CSMD1: variants seen among roughly 807,000 people sequenced by gnomAD.
CSMD1 encodes the protein CUB and Sushi multiple domains 1, also known as CUB and sushi domain-containing protein 1.
CSMD1 carries 213 observed loss-of-function variants against 417.5 expected under a neutral mutation model. The observed-to-expected ratio is 0.51, with a 90% CI of 0.46 to 0.57. CSMD1 has a LOEUF of 0.57. CSMD1 is among the 20% of genes least tolerant of loss of function. CSMD1 has a pLI of 0.00. For synonymous variants in CSMD1, 2,862 were observed against 1,736.8 expected, an observed-to-expected ratio of 1.65 and a Z score of -16.11; for missense variants, 6,923 against 4,529.7, an observed-to-expected ratio of 1.53 and a Z score of -15.17.
At chr8:4,352,563 A>AT (rs1355832629) in intron 3 of CSMD1, among the ~76,000 whole-genome samples, 1 of 152,202 alleles carries the variant, frequency 6.6e-6, no homozygotes, top group Non-Finnish European at 1.5e-5. Flanking sequence ...TCATCCTTTC[A>AT]TTTTCCATGT....
intron 1 of CSMD1, among the ~76,000 whole-genome samples, chr8:4,941,562 T>C (rs1255072293): frequency 1.3e-5 from 2 of 152,194 alleles, no homozygotes; most frequent in African/African-American, 4.8e-5. Context: ...TTTTCATTTT[T>C]ATCCTGTTCA....
chr8:4,449,513 G>T (rs1799005532), intron 2 of CSMD1, among the ~76,000 whole-genome samples: 2 of 151,948 alleles, frequency 1.3e-5, no homozygotes, highest in South Asian at 4.1e-4. Flanking sequence ...GTCATTTTTT[G>T]TCTTTAGGCT....
chr8:3,234,704 C>T (rs1799047026), intron 26 of CSMD1, among the ~76,000 whole-genome samples: 1 of 152,186 alleles, frequency 6.6e-6, no homozygotes, highest in Admixed American at 6.5e-5. Context: ...GCAACACTTA[C>T]AGTTAGAAAG....
intron 5 of CSMD1, among the ~76,000 whole-genome samples, chr8:3,937,221 G>C (rs1034876196): frequency 6.6e-6 from 1 of 152,142 alleles, no homozygotes; most frequent in Non-Finnish European, 1.5e-5. Flanking sequence ...AAAAGATTGT[G>C]ATTATTTCAT....
intron 50 of CSMD1, 87 bp downstream of exon 50, chr8:3,052,375 T>G (rs1026510850): frequency 8.2e-6 from 8 of 977,954 alleles, no homozygotes; most frequent in Non-Finnish European, 1.2e-5. Context: ...GGAGAGGACC[T>G]CTGAACGTGG....
chr8:4,873,194 G>A (rs1396730306), intron 1 of CSMD1, among the ~76,000 whole-genome samples: 1 of 152,104 alleles, frequency 6.6e-6, no homozygotes, highest in Non-Finnish European at 1.5e-5. Context: ...GCAACAATGA[G>A]TAATCTGTAT....
chr8:3,404,351 A>C (rs1022117114), intron 15 of CSMD1, among the ~76,000 whole-genome samples: 2 of 102,152 alleles, frequency 2.0e-5, no homozygotes, highest in African/African-American at 6.9e-5. Flanking sequence ...AAAAAAAAAA[A>C]AAAAATTGCG....
At chr8:3,457,911 C>A (rs1315267044) in intron 12 of CSMD1, among the ~76,000 whole-genome samples, 1 of 152,136 alleles carries the variant, frequency 6.6e-6, no homozygotes, top group Non-Finnish European at 1.5e-5. Context: ...GGAAGGCAGC[C>A]ATATGGCTGG....
At chr8:4,396,029 T>A (rs72624081) in intron 3 of CSMD1, among the ~76,000 whole-genome samples, 76 of 152,250 alleles carry the variant, frequency 5.0e-4, no homozygotes, top group Admixed American at 2.2e-3. Context: ...TCTAATTCTA[T>A]AGAAGGAGTA....
chr8:3,634,199 G>T (rs1256601682), intron 7 of CSMD1, among the ~76,000 whole-genome samples: 1 of 152,150 alleles, frequency 6.6e-6, no homozygotes, highest in Non-Finnish European at 1.5e-5. Context: ...GGGGACCTTA[G>T]GCCACAGCAG....
chr8:4,955,230 T>C (rs551018619), intron 1 of CSMD1, among the ~76,000 whole-genome samples: 61 of 152,312 alleles, frequency 4.0e-4, no homozygotes, highest in Middle Eastern at 3.4e-3. Flanking sequence ...TTTTCAGAAA[T>C]GTTGCAATGC....
At chr8:4,184,401 G>A (rs914896073) in intron 3 of CSMD1, among the ~76,000 whole-genome samples, 2 of 152,058 alleles carry the variant, frequency 1.3e-5, no homozygotes, top group Admixed American at 1.3e-4. Context: ...CTAATAATCT[G>A]GAGCATATGA....
At chr8:4,480,606 T>TGC (rs1338611650) in intron 2 of CSMD1, among the ~76,000 whole-genome samples, 1 of 152,204 alleles carries the variant, frequency 6.6e-6, no homozygotes, top group Non-Finnish European at 1.5e-5. Context: ...AAACCAAGAA[T>TGC]GCATGAGAAA....
intron 5 of CSMD1, among the ~76,000 whole-genome samples, chr8:3,900,303 C>T (rs1408229316): frequency 6.6e-6 from 1 of 151,426 alleles, no homozygotes; most frequent in African/African-American, 2.4e-5. Flanking sequence ...GACACTGTAG[C>T]TGGGTGACAG....
intron 1 of CSMD1, among the ~76,000 whole-genome samples, chr8:4,841,744 C>G (rs574405160): frequency 1.3e-5 from 2 of 151,794 alleles, no homozygotes; most frequent in South Asian, 2.1e-4. Flanking sequence ...AACCCTGTCT[C>G]TACTAAAAAT....
intron 7 of CSMD1, among the ~76,000 whole-genome samples, chr8:3,683,026 T>A (rs1424852044): frequency 6.6e-6 from 1 of 151,812 alleles, no homozygotes; most frequent in Non-Finnish European, 1.5e-5. Flanking sequence ...AAGGGGAACA[T>A]CACACACCAG....
At chr8:3,350,013 T>A (rs1259713106) in intron 21 of CSMD1, among the ~76,000 whole-genome samples, 1 of 146,150 alleles carries the variant, frequency 6.8e-6, no homozygotes, top group Non-Finnish European at 1.5e-5. Context: ...ATACCTATAA[T>A]AACTTGTGTA....
chr8:4,026,820 G>T (rs1269117317), intron 4 of CSMD1, among the ~76,000 whole-genome samples: 2 of 152,292 alleles, frequency 1.3e-5, no homozygotes, highest in East Asian at 3.9e-4. Flanking sequence ...TGGCTGTAGG[G>T]AGATGACAGG....
In CSMD1 at chr8:4,339,189, A is replaced by G. The variant is rs1585263092; in HGVS notation, c.415+80764T>C. On this transcript the variant is annotated intron_variant, in intron 3 of 69. Coordinates refer to ENST00000635120, the MANE Select transcript of CSMD1 (RefSeq NM_033225.6). ...TCTTGAGCCAGGCTTTATCTCCTTC[A>G]AAGGAGATCTGCAAGTATACCCCAG... Among the ~76,000 whole-genome samples, 12 of 152,250 alleles carry G rather than the reference A, an allele frequency of 7.9e-5. No individual in the cohort carries two copies. In the South Asian group the frequency reaches 2.5e-3, roughly 32 times the overall value.
Sources: allele counts gnomAD v4.1 joint callset (sites outside exome capture counted in the v4.1 genomes callset), GRCh38; gene constraint gnomAD v4.1.1; transcripts MANE v1.5; gene names NCBI Gene and HGNC (gene_info 2026-07-23, HGNC 2026-07-21).